Variants in SLX4 observed in about 807,000 individuals in gnomAD.
SLX4 encodes the protein structure-specific endonuclease subunit SLX4.
Under a neutral mutation model 146.2 loss-of-function variants are expected in SLX4, and 112 were observed. That is an observed-to-expected ratio of 0.77 (90% CI 0.66 to 0.90). The LOEUF is 0.90. Among genes scored for constraint, SLX4 ranks in the 40% least tolerant of loss-of-function variants. The pLI is 0.00. For synonymous variants in SLX4, 1,061 were observed against 997.7 expected (o/e 1.06, Z -1.20); for missense variants, 2,563 against 2,392.7 (o/e 1.07, Z -1.49).
In SLX4 at chr16:3,597,056, C is replaced by T. The variant is rs1001940391; in HGVS notation, c.1683+323G>A. Reference sequence around the variant, plus strand: ...CAGGCTGGTCTCGAACTCCTGACCTCGTGATCCGCCCACCTCAGCCTCCCA... The same window carrying T: ...CAGGCTGGTCTCGAACTCCTGACCTTGTGATCCGCCCACCTCAGCCTCCCA... On this transcript the variant is annotated intron_variant, in intron 7 of 14. Coordinates refer to ENST00000294008, the MANE Select transcript of SLX4 (RefSeq NM_032444.4). This position sits in a 1 kb window ranked among gnomAD's most constrained non-coding sequence, Gnocchi z 4.4. Among the ~76,000 whole-genome samples the T allele has an allele frequency of 4.6e-5, 7 of 152,080 alleles. No individual in the cohort carries two copies. The highest frequency in any genetic ancestry group is 1.9e-4 in the East Asian group (1 of 5,188).
rs769694224 is a variant in SLX4 at position 3,608,814 on chromosome 16, A to G, written c.151T>C (p.Phe51Leu). 6.8e-6 allele frequency: 11 copies of G among 1,614,146 alleles called. No homozygotes were observed. In the East Asian group the frequency reaches 2.5e-4, roughly 36 times the overall value. The change falls in exon 2 of 15, where the codon TTT (phenylalanine) becomes CTT (leucine). Residue 51 changes from phenylalanine (F) to leucine (L), a missense_variant. Physicochemically the swap from Phe to Leu is conservative, Grantham distance 22. Coordinates refer to ENST00000294008, the MANE Select transcript of SLX4 (RefSeq NM_032444.4). ...AAAAAGCTAGCGCAGAGTTCTTTAA[A>G]GTCCTCATCAGACTCATCCATCATC... ...GQMMDESDED[F>L]KELCASFFQR...
chr16:3,606,748 A>G (rs751775560), intron 2 of SLX4, 50 bp from the exon 3 acceptor site: 3 of 1,599,996 alleles, frequency 1.9e-6, no homozygotes, highest in Admixed American at 3.3e-5. Flanking sequence ...TGGAGAAATA[A>G]AAGACTTTTC....
At position 3,582,554 on chromosome 16, in the gene SLX4, C is replaced by T. The variant is rs369180077; in HGVS notation, c.5293G>A (p.Ala1765Thr). ...TACAGCAGCACCTTCTGGTACAGGG[C>T]CGGCTTGGAGCGGATGTAGCACCTC... ...ALRCYIRSKP[A>T]LYQKVLLYQP... The change falls in exon 15 of 15, where the codon GCC becomes ACC. Residue 1765 changes from alanine (A) to threonine (T), a missense_variant. By Grantham distance (58) the Ala-to-Thr change is moderately conservative (BLOSUM62 0). Coordinates refer to ENST00000294008, the MANE Select transcript of SLX4 (RefSeq NM_032444.4). 16 of 1,613,784 alleles carry T rather than the reference C, an allele frequency of 9.9e-6. 1 individual carries two copies. In the African/African-American group the frequency reaches 1.6e-4, roughly 16 times the overall value.
Position 3,582,474 on chromosome 16 carries a change from A to G in SLX4, c.5373T>C (p.Arg1791=), listed in dbSNP as rs1270746480. 2 of 1,613,896 alleles carry G rather than the reference A, an allele frequency of 1.2e-6. No individual in the cohort carries two copies. Among genetic ancestry groups the G allele is most frequent in the African/African-American group, 1.3e-5 (1 of 74,944 alleles). Residue 1791 remains arginine (R), a synonymous_variant, in exon 15 of 15, where the codon CGT becomes CGC. Coordinates refer to ENST00000294008, the MANE Select transcript of SLX4 (RefSeq NM_032444.4). ...LQAELRQNGL[R]VSSRRLLDFL... is the part of the protein sequence containing the mutation. ...AGTCCAACAGCCTGCGCGAGGACAC[A>G]CGGAGGCCGTTCTGCCTCAGCTCTG...
chr16:3,601,662 C>T, intron 4 of SLX4: 1 of 308,152 alleles, frequency 3.2e-6, no homozygotes, highest in Non-Finnish European at 6.3e-6. Flanking sequence ...AGGAATGAAG[C>T]CTGCTCCATG....
intron 3 of SLX4, among the ~76,000 whole-genome samples, chr16:3,606,223 C>G (rs1174365627): frequency 1.3e-5 from 2 of 152,034 alleles, no homozygotes; most frequent in African/African-American, 4.8e-5. Context: ...TGCACTCCAG[C>G]CTGGGTGACA....
chr16:3,607,929 A>G (rs1386675965), intron 2 of SLX4, among the ~76,000 whole-genome samples: 2 of 152,238 alleles, frequency 1.3e-5, no homozygotes, highest in Non-Finnish European at 2.9e-5. Flanking sequence ...TGTCAATCAT[A>G]TAACAGAATT....
chr16:3,594,305 G>T, intron 10 of SLX4, 148 bp downstream of exon 10: 1 of 1,135,248 alleles, frequency 8.8e-7, no homozygotes, highest in Admixed American at 2.0e-5. Context: ...GGTTGGGAGG[G>T]AGAAGGTGAG....
intron 5 of SLX4, among the ~76,000 whole-genome samples, chr16:3,599,868 A>G (rs2040707109): frequency 6.6e-6 from 1 of 152,172 alleles, no homozygotes; most frequent in Non-Finnish European, 1.5e-5. Context: ...TTACAGGTGT[A>G]AGCTACCGTG....
chr16:3,591,415 AC>A, intron 11 of SLX4, 105 bp from the exon 12 acceptor site: 1 of 1,507,704 alleles, frequency 6.6e-7, no homozygotes, highest in Non-Finnish European at 9.0e-7. Context: ...AGGAGGAATG[AC>A]CATGACCCAG....
At chr16:3,604,216 CAAA>C (rs1215741550) in intron 3 of SLX4, among the ~76,000 whole-genome samples, 8 of 63,768 alleles carry the variant, frequency 1.3e-4, no homozygotes, top group East Asian at 4.6e-4. Flanking sequence ...AAGCCTCTGT[CAAA>C]AAAAAAAAAA....
chr16:3,594,634 C>A (rs2040631156), intron 9 of SLX4, 35 bp from the exon 10 acceptor site: 1 of 1,613,358 alleles, frequency 6.2e-7, no homozygotes, highest in South Asian at 1.1e-5. Flanking sequence ...CGTCACCTCC[C>A]CACCTCTGCT....
chr16:3,606,824 A>G (rs1020457162), intron 2 of SLX4, 126 bp from the exon 3 acceptor site: 3 of 966,618 alleles, frequency 3.1e-6, no homozygotes, highest in East Asian at 2.5e-5. Flanking sequence ...TTGACTCACA[A>G]ATGTGAAGAG....
Position 3,606,533 on chromosome 16 carries a change from T to C in SLX4, c.701A>G (p.Glu234Gly), listed in dbSNP as rs2151137809. ...TGGGACATTTTCTTCCCGCGCAGCC[T>C]CGAGGGAGCACTCTTCTGAAGCGTG... is the stretch of plus-strand genomic sequence containing the variant. ...LRHASEECSL[E>G]AAREENVPKD... Residue 234 changes from glutamate (E) to glycine (G), a missense_variant, in exon 3 of 15, where the codon GAG becomes GGG. Physicochemically the swap from Glu to Gly is moderately conservative, Grantham distance 98. Transcript: ENST00000294008. 6.2e-7 allele frequency: 1 copy of C among 1,614,184 alleles called. No individual in the cohort carries two copies. Among genetic ancestry groups the C allele is most frequent in the Non-Finnish European group, 8.5e-7 (1 of 1,180,032 alleles).
chr16:3,611,496 C>T (rs1301739172), intron 1 of SLX4, 64 bp downstream of exon 1: 1 of 152,376 alleles, frequency 6.6e-6, no homozygotes, highest in Non-Finnish European at 1.5e-5. Flanking sequence ...GAGAACGGCC[C>T]GAAATGACAG....
In SLX4 at chr16:3,592,872, G is replaced by A. The variant is rs2040609733; in HGVS notation, c.2161-7C>T. The A allele has an allele frequency of 1.2e-6, 2 of 1,608,456 alleles. No individual in the cohort carries two copies. The highest frequency in any genetic ancestry group is 1.1e-5 in the South Asian group (1 of 90,848). On this transcript the variant is annotated splice_polypyrimidine_tract_variant and splice_region_variant and intron_variant, in intron 10 of 14. Transcript: ENST00000294008. ...AGAAGCCTTCATTGTTCACCTGCAG[G>A]TGAAATGCAACACAGAGGGTTTACT... is the stretch of plus-strand genomic sequence containing the variant.
In SLX4 at chr16:3,582,158, A is replaced by C. The variant is rs970789587; in HGVS notation, c.*184T>G. On this transcript the variant is annotated 3_prime_UTR_variant, in exon 15 of 15. Coordinates refer to ENST00000294008, the MANE Select transcript of SLX4 (RefSeq NM_032444.4). ...TGCTCCAAATGCCACCCTAGAAAGC[A>C]GAGCCCAGAGGAGGAAGCCCTGGAT... is the stretch of plus-strand genomic sequence containing the variant. The C allele has an allele frequency of 3.3e-6, 2 of 609,036 alleles. No individual in the cohort carries two copies. Among genetic ancestry groups the C allele is most frequent in the Non-Finnish European group, 5.8e-6 (2 of 343,810 alleles). 37.7% of individuals were successfully genotyped at this position (609,036 alleles called of 1,614,324 possible).
At chr16:3,599,838 G>A (rs1028425164) in intron 5 of SLX4, among the ~76,000 whole-genome samples, 1 of 152,128 alleles carries the variant, frequency 6.6e-6, no homozygotes, top group Admixed American at 6.5e-5. Context: ...CTTCCGCCCT[G>A]GCCTCCCAAA....
chr16:3,581,838 T>A lies in SLX4; in HGVS notation c.*504A>T. The A allele has an allele frequency of 5.8e-6, 1 of 171,968 alleles. No individual in the cohort carries two copies. Among genetic ancestry groups the A allele is most frequent in the South Asian group, 1.6e-4 (1 of 6,390 alleles). 10.7% of individuals were successfully genotyped at this position (171,968 alleles called of 1,614,324 possible). A position where few individuals can be genotyped will look rare whatever the true frequency, so the allele number is the denominator to read the frequency against. ...CAGGCGGATTGCCTGAGCTCTGGAG[T>A]TTGTGACCAGCCTGAGCAACATGGT... On this transcript the variant is annotated 3_prime_UTR_variant, in exon 15 of 15. Coordinates refer to ENST00000294008, the MANE Select transcript of SLX4 (RefSeq NM_032444.4).
Sources: allele counts gnomAD v4.1 joint callset (sites outside exome capture counted in the v4.1 genomes callset), GRCh38; gene constraint gnomAD v4.1.1; non-coding constraint Gnocchi (gnomAD v3.1); transcripts MANE v1.5; gene names NCBI Gene and HGNC (gene_info 2026-07-23, HGNC 2026-07-21).